The following MGAT4C variants were observed in gnomAD, a reference collection of about 807,000 sequenced individuals.
The protein encoded by MGAT4C is MGAT4 family member C, also known as alpha-1,3-mannosyl-glycoprotein 4-beta-N-acetylglucosaminyltransferase C.
In MGAT4C, 19 loss-of-function variants were observed where a neutral mutation model predicts 40.1. The observed-to-expected ratio is 0.47, with a 90% CI of 0.33 to 0.70. The LOEUF (loss-of-function observed/expected upper bound fraction) is 0.70, where lower values mean the gene tolerates loss of function less well. Among genes scored for constraint, MGAT4C ranks in the 30% least tolerant of loss-of-function variants. MGAT4C has a pLI of 0.02. For synonymous variants in MGAT4C, 181 were observed against 187.1 expected, an observed-to-expected ratio of 0.97 and a Z score of 0.27; for missense variants, 491 against 563.2, an observed-to-expected ratio of 0.87 and a Z score of 1.30.
At chr12:86,388,687 T>G (rs1173131868) in intron 3 of MGAT4C, among the ~76,000 whole-genome samples, 3 of 148,034 alleles carry the variant, frequency 2.0e-5, no homozygotes, top group African/African-American at 7.5e-5. Context: ...TTTTTTTTTT[T>G]TTTTTTTTTT....
chr12:86,405,955 TATTTATATTATAC>T (rs1956461352), intron 3 of MGAT4C, among the ~76,000 whole-genome samples: 1 of 3,612 alleles, frequency 2.8e-4, no homozygotes, highest in Non-Finnish European at 4.7e-4. Context: ...TACATGTATG[TATTTATATTATAC>T]ATATATATAT....
chr12:86,087,177 G>A (rs1242612858), intron 1 of MGAT4C, among the ~76,000 whole-genome samples: 1 of 151,940 alleles, frequency 6.6e-6, no homozygotes, highest in East Asian at 1.9e-4. Context: ...CTTTCTATTG[G>A]ATATATACCC....
chr12:86,184,739 A>C (rs1427807979), intron 1 of MGAT4C, among the ~76,000 whole-genome samples: 1 of 3,970 alleles, frequency 2.5e-4, no homozygotes, highest in Non-Finnish European at 2.3e-3. Context: ...TTCTCCTGTT[A>C]AAAAAAAAAA....
At chr12:86,838,589 A>T (rs888379493) in intron 1 of MGAT4C, 1 of 152,198 alleles carries the variant, frequency 6.6e-6, no homozygotes, top group East Asian at 1.9e-4. Context: ...CTCTTTTTAC[A>T]GGTTTGGATC....
chr12:86,238,335 T>A (rs1951640377), intron 1 of MGAT4C, among the ~76,000 whole-genome samples: 1 of 152,048 alleles, frequency 6.6e-6, no homozygotes, highest in African/African-American at 2.4e-5. Flanking sequence ...TGTTACCATA[T>A]TTTATTTTAA....
At chr12:86,527,111 C>T (rs972978714) in intron 2 of MGAT4C, among the ~76,000 whole-genome samples, 3 of 152,202 alleles carry the variant, frequency 2.0e-5, no homozygotes, top group Non-Finnish European at 4.4e-5. Flanking sequence ...CCTTTGGTGG[C>T]AGCTGTTTCA....
intron 2 of MGAT4C, among the ~76,000 whole-genome samples, chr12:86,011,167 A>T (rs1037380350): frequency 2.0e-5 from 3 of 152,208 alleles, no homozygotes; most frequent in Non-Finnish European, 4.4e-5. Flanking sequence ...AAGATGCAAG[A>T]AGTCAAAATT....
intron 1 of MGAT4C, among the ~76,000 whole-genome samples, chr12:86,103,174 G>T (rs1875442301): frequency 6.6e-6 from 1 of 152,022 alleles, no homozygotes; most frequent in Non-Finnish European, 1.5e-5. Context: ...ATCCCAGTGG[G>T]GGCTAACTGG....
At chr12:86,177,458 A>G (rs979629191) in intron 1 of MGAT4C, among the ~76,000 whole-genome samples, 26 of 152,302 alleles carry the variant, frequency 1.7e-4, no homozygotes, top group African/African-American at 6.0e-4. Flanking sequence ...AAACATTCAC[A>G]GAAATTTTTT....
At chr12:86,679,204 G>GT (rs1234560939) in intron 2 of MGAT4C, among the ~76,000 whole-genome samples, 1 of 152,048 alleles carries the variant, frequency 6.6e-6, no homozygotes, top group Non-Finnish European at 1.5e-5. Flanking sequence ...TTTTTCATGT[G>GT]TTTTTTGGCT....
intron 2 of MGAT4C, among the ~76,000 whole-genome samples, chr12:86,601,636 G>A (rs1487135762): frequency 1.3e-5 from 2 of 152,162 alleles, no homozygotes; most frequent in East Asian, 3.9e-4. Context: ...AGCGAAAGAA[G>A]CTGTAACATT....
At chr12:86,100,848 A>G (rs535764997) in intron 1 of MGAT4C, among the ~76,000 whole-genome samples, 83 of 151,658 alleles carry the variant, frequency 5.5e-4, no homozygotes, top group Middle Eastern at 3.4e-3. Flanking sequence ...CAGTAATTGA[A>G]TGTTATTAGA....
intron 1 of MGAT4C, among the ~76,000 whole-genome samples, chr12:86,096,120 A>G (rs1484338242): frequency 6.6e-6 from 1 of 151,748 alleles, no homozygotes; most frequent in Non-Finnish European, 1.5e-5. Flanking sequence ...GCAAAAAGAA[A>G]TGTTTGCTGT....
rs1883445373 is a variant in MGAT4C, at chr12:85,968,032, A to T, written c.*11257T>A. On this transcript the variant is annotated 3_prime_UTR_variant, in exon 5 of 5. Transcript: ENST00000611864. ...GACTTGTTCTGTTTCAGCTATCTGA[A>T]ATTTAAAAATTTGACAAATTTTTAA... 1 of 152,090 alleles carries T rather than the reference A, an allele frequency of 6.6e-6. No individual in the cohort carries two copies. The highest frequency in any genetic ancestry group is 1.5e-5 in the Non-Finnish European group (1 of 67,952). The allele number at this position is 152,090 out of a possible 1,614,324, so 9.4% of individuals were successfully genotyped here. A position where few individuals can be genotyped will look rare whatever the true frequency, so the allele number is the denominator to read the frequency against.
intron 1 of MGAT4C, among the ~76,000 whole-genome samples, chr12:86,143,933 C>T (rs1053206538): frequency 2.0e-5 from 3 of 152,146 alleles, no homozygotes; most frequent in Non-Finnish European, 4.4e-5. Context: ...ACTTTTATGG[C>T]ATTCTTTTCC....
chr12:86,629,870 A>G (rs532462366), intron 2 of MGAT4C, among the ~76,000 whole-genome samples: 8 of 152,322 alleles, frequency 5.3e-5, no homozygotes, highest in African/African-American at 1.4e-4. Flanking sequence ...AAACACATTC[A>G]AAAGCTAGCA....
At chr12:86,236,714 C>A (rs577394529) in intron 1 of MGAT4C, among the ~76,000 whole-genome samples, 117 of 151,924 alleles carry the variant, frequency 7.7e-4, no homozygotes, top group Non-Finnish European at 1.4e-3. Context: ...TAATTGCAAG[C>A]AGATATAGTT....
chr12:86,792,781 A>G (rs899744231), intron 1 of MGAT4C, among the ~76,000 whole-genome samples: 2 of 152,038 alleles, frequency 1.3e-5, no homozygotes, highest in African/African-American at 4.8e-5. Flanking sequence ...AAAATACAAA[A>G]TTAGCCAGGT....
intron 2 of MGAT4C, among the ~76,000 whole-genome samples, chr12:86,640,758 C>T (rs920100443): frequency 6.6e-6 from 1 of 151,864 alleles, no homozygotes; most frequent in Non-Finnish European, 1.5e-5. Context: ...AAATTTCCTT[C>T]TACACACTGC....
Sources: gnomAD v4.1 joint callset for allele counts (sites outside exome capture counted in the v4.1 genomes callset) on GRCh38, gnomAD v4.1.1 for gene constraint, MANE v1.5 for transcripts, NCBI Gene and HGNC (gene_info 2026-07-23, HGNC 2026-07-21) for gene names.